Variants in TNC observed in about 807,000 individuals in gnomAD.
TNC encodes the protein tenascin C, also known as tenascin.
In TNC, 109 loss-of-function variants were observed where a neutral mutation model predicts 202.4. The ratio of observed to expected loss-of-function variants is 0.54; its 90% CI spans 0.46 to 0.63. TNC has a LOEUF of 0.63. Ranked by LOEUF, TNC falls within the 30% of genes least tolerant of loss-of-function variation. TNC has a pLI of 0.00. For synonymous variants in TNC, 1,007 were observed against 1,089.7 expected (o/e 0.92, Z 1.50); for missense variants, 2,756 against 2,833.3 (o/e 0.97, Z 0.62).
intron 1 of TNC, among the ~76,000 whole-genome samples, chr9:115,109,990 T>C (rs1044852645): frequency 1.3e-5 from 2 of 152,166 alleles, no homozygotes; most frequent in Admixed American, 1.3e-4. Flanking sequence ...CAATTTTTTC[T>C]TTTAGGAACT....
chr9:115,104,845 G>T lies in TNC; in HGVS notation c.-137+13137C>A, dbSNP rs74576904. On this transcript the variant is annotated intron_variant, in intron 1 of 27. Coordinates refer to ENST00000350763, the MANE Select transcript of TNC (RefSeq NM_002160.4). ...TGTTTCAACTCAAAGAGCTGACATAGCTACCTGGAACTGCCTTGAGAAAGA... is the reference window on the plus strand; with the variant it reads ...TGTTTCAACTCAAAGAGCTGACATATCTACCTGGAACTGCCTTGAGAAAGA... Among the ~76,000 whole-genome samples the T allele has an allele frequency of 3.2e-3, 489 of 152,322 alleles. 2 individuals carry two copies. Among genetic ancestry groups the T allele is most frequent in the African/African-American group, 0.011 (466 of 41,584 alleles).
At chr9:115,110,383 C>T (rs1564158821) in intron 1 of TNC, among the ~76,000 whole-genome samples, 1 of 151,996 alleles carries the variant, frequency 6.6e-6, no homozygotes, top group Non-Finnish European at 1.5e-5. Context: ...GGAATGTTAA[C>T]CTCTATGTCT....
rs563626087 is a variant in TNC, at chr9:115,108,303, T to C, written c.-137+9679A>G. ...AAGATGTTTTTAGGTAGATGTCCTA[T>C]GGTCAGGTATGTTTGGAGATACTGG... is the stretch of plus-strand genomic sequence containing the variant. On this transcript the variant is annotated intron_variant, in intron 1 of 27. Coordinates refer to ENST00000350763, the MANE Select transcript of TNC (RefSeq NM_002160.4). 1.5e-4 allele frequency among the ~76,000 whole-genome samples: 23 copies of C among 152,312 alleles called. No homozygotes were observed. The South Asian group carries it at 4.6e-3, about 30-fold the overall frequency.
chr9:115,093,287 T>C (rs1360711874), intron 1 of TNC, among the ~76,000 whole-genome samples: 2 of 152,160 alleles, frequency 1.3e-5, no homozygotes, highest in African/African-American at 2.4e-5. Flanking sequence ...CAACTGTCCC[T>C]GTAATATCTG....
chr9:115,081,827 C>T lies in TNC; in HGVS notation c.2349G>A (p.Leu783=), dbSNP rs1278674282. The change falls in exon 6 of 28, where the codon CTG becomes CTA. Residue 783 remains leucine, a synonymous_variant. Coordinates refer to ENST00000350763, the MANE Select transcript of TNC (RefSeq NM_002160.4). The part of the protein sequence containing the change: ...LAPGQEYEIS[L]HIVKNNTRGP... ...CCCGGGTATTGTTTTTCACTATGTG[C>T]AGAGATATCTCATACTCTTGCCCAG... The T allele has an allele frequency of 1.2e-6, 2 of 1,611,964 alleles. No individual in the cohort carries two copies. Among genetic ancestry groups the T allele is most frequent in the Non-Finnish European group, 1.7e-6 (2 of 1,179,474 alleles).
chr9:115,021,028 A>G lies in TNC; in HGVS notation c.*129T>C. Reference sequence around the variant, plus strand: ...CTGTTGCCGTTGGCCCCAGGGATCCATGGTCAGCTTTGACTCTCACCAAAT... The same window carrying G: ...CTGTTGCCGTTGGCCCCAGGGATCCGTGGTCAGCTTTGACTCTCACCAAAT... On this transcript the variant is annotated 3_prime_UTR_variant, in exon 28 of 28. Transcript: ENST00000350763. 1.4e-6 allele frequency: 1 copy of G among 691,132 alleles called. No homozygotes were observed. The allele number at this position is 691,132 out of a possible 1,614,324, so 42.8% of individuals were successfully genotyped here.
At chr9:115,073,991 G>A in intron 9 of TNC, 125 bp from the exon 10 acceptor site, 1 of 920,682 alleles carries the variant, frequency 1.1e-6, no homozygotes, top group Non-Finnish European at 1.6e-6. Flanking sequence ...GGGACCACAG[G>A]AGAGTCACAT....
intron 16 of TNC, 147 bp downstream of exon 16, chr9:115,048,113 G>T: frequency 1.0e-6 from 1 of 968,398 alleles, no homozygotes; most frequent in Non-Finnish European, 1.6e-6. Context: ...ACAAGAGGGA[G>T]TGTGGGGAGA....
chr9:115,042,420 T>C (rs1830836003), intron 17 of TNC, 79 bp from the exon 18 acceptor site: 3 of 1,567,916 alleles, frequency 1.9e-6, no homozygotes, highest in Non-Finnish European at 2.6e-6. Flanking sequence ...GAATTCCTTA[T>C]TTAGGAAAAC....
At chr9:115,082,666 T>C in intron 5 of TNC, 26 bp downstream of exon 5, 1 of 1,504,006 alleles carries the variant, frequency 6.6e-7, no homozygotes, top group Non-Finnish European at 9.3e-7. Flanking sequence ...TGAGATCAAA[T>C]GGATCTGCTC....
intron 1 of TNC, among the ~76,000 whole-genome samples, chr9:115,103,396 T>G (rs1836381340): frequency 6.6e-6 from 1 of 152,230 alleles, no homozygotes; most frequent in Non-Finnish European, 1.5e-5. Context: ...AATATAGGTC[T>G]CCCTTTCTCA....
intron 12 of TNC, 65 bp downstream of exon 12, chr9:115,063,731 T>G: frequency 1.3e-6 from 2 of 1,530,854 alleles, no homozygotes; most frequent in Non-Finnish European, 1.8e-6. Context: ...AGCAAGAAAG[T>G]GCTTTGATTC....
rs1380969644 is a variant in TNC, at chr9:115,075,927, C to T, written c.2950+105G>A. On this transcript the variant is annotated intron_variant, in intron 9 of 27. Transcript: ENST00000350763. ...AGATGGTACTACAGGGCCCTTTTTC[C>T]TCCAGGCTTCTACTTTTTCTCTTTA... 4.0e-5 allele frequency: 40 copies of T among 996,904 alleles called. No individual in the cohort carries two copies. In the Admixed American group the frequency reaches 7.5e-4, roughly 19 times the overall value. The allele number at this position is 996,904 out of a possible 1,614,324, so 61.8% of individuals were successfully genotyped here.
chr9:115,062,385 T>C (rs578166998), intron 13 of TNC, among the ~76,000 whole-genome samples: 2 of 152,198 alleles, frequency 1.3e-5, no homozygotes, highest in Admixed American at 6.5e-5. Flanking sequence ...GGTGAGAAGA[T>C]GGCTTGAGCC....
At chr9:115,083,732 G>A (rs1692124666) in intron 4 of TNC, among the ~76,000 whole-genome samples, 1 of 151,642 alleles carries the variant, frequency 6.6e-6, no homozygotes, top group Non-Finnish European at 1.5e-5. Context: ...AGCCTCCTGA[G>A]TAGCCGGGAT....
intron 10 of TNC, among the ~76,000 whole-genome samples, chr9:115,065,659 T>C (rs1040464420): frequency 2.6e-5 from 4 of 151,994 alleles, no homozygotes; most frequent in African/African-American, 9.7e-5. Flanking sequence ...CCTTCTTTTT[T>C]GAGAGGCCAA....
intron 15 of TNC, among the ~76,000 whole-genome samples, chr9:115,051,499 G>A (rs890149283): frequency 4.7e-5 from 7 of 150,230 alleles, no homozygotes; most frequent in South Asian, 2.1e-4. Context: ...AAGGTTCAGC[G>A]TCTCTTTTCT....
At chr9:115,111,211 G>A (rs1292015850) in intron 1 of TNC, among the ~76,000 whole-genome samples, 3 of 152,104 alleles carry the variant, frequency 2.0e-5, no homozygotes, top group Admixed American at 2.0e-4. Context: ...CAGACTCTAA[G>A]GTGGCCCCAT....
In TNC at chr9:115,086,686, C is replaced by T; in HGVS notation, c.1045G>A (p.Ala349Thr). 1 of 1,614,110 alleles carries T rather than the reference C, an allele frequency of 6.2e-7. No homozygotes were observed. The highest frequency in any genetic ancestry group is 8.5e-7 in the Non-Finnish European group (1 of 1,180,044). Reference protein sequence around the residue: ...EDCGKPTCPHACHTQGRCEEG... With the variant: ...EDCGKPTCPHTCHTQGRCEEG... ...TCACACCGGCCCTGGGTGTGGCAGG[C>T]ATGTGGGCAGGTGGGTTTCCCGCAG... is the stretch of plus-strand genomic sequence containing the variant. The change falls in exon 3 of 28, where the codon GCC becomes ACC. Residue 349 changes from alanine to threonine, a missense_variant. By Grantham distance (58) the Ala-to-Thr change is moderately conservative. Transcript: ENST00000350763.
Sources: gnomAD v4.1 joint callset for allele counts (sites outside exome capture counted in the v4.1 genomes callset) on GRCh38, gnomAD v4.1.1 for gene constraint, MANE v1.5 for transcripts, NCBI Gene and HGNC (gene_info 2026-07-23, HGNC 2026-07-21) for gene names.